The following ZDHHC9 variants were observed in gnomAD, a reference collection of about 807,000 sequenced individuals.
ZDHHC9 encodes the protein zDHHC palmitoyltransferase 9.
A neutral mutation model predicts 26.6 loss-of-function variants in ZDHHC9; 3 were observed. The observed-to-expected ratio is 0.11, with a 90% CI of 0.05 to 0.29. The LOEUF is 0.29. Ranked by LOEUF, ZDHHC9 falls within the 10% of genes least tolerant of loss-of-function variation. The pLI, the probability that ZDHHC9 is intolerant of heterozygous loss-of-function variation, is 1.00. For missense variants in ZDHHC9, 146 were observed against 296.4 expected (o/e 0.49, Z 3.73); for synonymous variants, 111 against 109.4 (o/e 1.01, Z -0.09).
chrX:129,823,950 C>CTT, intron 4 of ZDHHC9, 113 bp from the exon 5 acceptor site: 1 of 655,649 alleles, frequency 1.5e-6, no homozygotes, highest in Non-Finnish European at 2.5e-6. Context: ...AGCCCCCTGT[C>CTT]TTTTATAGAC....
chrX:129,814,665 C>T lies in ZDHHC9; in HGVS notation c.618G>A (p.Val206=). 1 of 1,211,232 alleles carries T rather than the reference C, an allele frequency of 8.3e-7. No homozygotes were observed. Among genetic ancestry groups the T allele is most frequent in the South Asian group, 1.8e-5 (1 of 56,966 alleles). ...IYVFAFNIVY[V]ALKSLKIGFL... The stretch of plus-strand genomic sequence containing the variant: ...ACTGCCCTGTATACTCACTGAGGGC[C>T]ACATAGACGATGTTGAAGGCGAAGA... Residue 206 remains valine, a synonymous_variant, in exon 6 of 11, where the codon GTG becomes GTA. Transcript: ENST00000357166.
rs1284395097 is a variant in ZDHHC9, at chrX:129,806,408, G to A, written c.1057C>T (p.Pro353Ser). The A allele has an allele frequency of 2.5e-6, 3 of 1,211,710 alleles. No homozygotes were observed. Among genetic ancestry groups the A allele is most frequent in the South Asian group, 1.8e-5 (1 of 57,001 alleles). The change falls in exon 11 of 11, where the codon CCA becomes TCA. Residue 353 changes from proline to serine, a missense_variant. Transcript: ENST00000357166. Reference protein sequence around the residue: ...TPEEMPPPEPPEPPQEAAEAE... With the variant: ...TPEEMPPPEPSEPPQEAAEAE... The stretch of plus-strand genomic sequence containing the variant: ...TCAGCTGCCTCCTGTGGTGGCTCTG[G>A]GGGCTCTGGAGGTGGCATCTCTTCG...
chrX:129,831,810 A>T (rs868252412), intron 3 of ZDHHC9, among the ~76,000 whole-genome samples: 14 of 111,544 alleles, frequency 1.3e-4, no homozygotes, highest in Middle Eastern at 9.3e-3. Context: ...CCAGCCACTA[A>T]GACTATTGTG....
chrX:129,808,173 C>A (rs984010541), intron 10 of ZDHHC9, among the ~76,000 whole-genome samples: 2 of 111,357 alleles, frequency 1.8e-5, no homozygotes, highest in Non-Finnish European at 3.8e-5. Flanking sequence ...CAATGAAATC[C>A]CCATCAAAAT....
chrX:129,824,287 CT>C (rs1197439787), intron 4 of ZDHHC9, among the ~76,000 whole-genome samples: 6 of 109,950 alleles, frequency 5.5e-5, no homozygotes, highest in East Asian at 2.8e-4. Flanking sequence ...TGCTACTAAA[CT>C]TTTTTTTTCT....
At chrX:129,832,137 C>CATATATATCTTTGT (rs1569322121) in intron 3 of ZDHHC9, among the ~76,000 whole-genome samples, 2 of 108,676 alleles carry the variant, frequency 1.8e-5, no homozygotes, top group African/African-American at 6.7e-5. Context: ...ATATTGTATA[C>CATATATATCTTTGT]ATATATATCT....
intron 10 of ZDHHC9, 50 bp downstream of exon 10, chrX:129,810,855 T>C: frequency 9.3e-7 from 1 of 1,077,927 alleles, no homozygotes; most frequent in Non-Finnish European, 1.3e-6. Flanking sequence ...AGCTGTAAAT[T>C]AGCCTCCGCC....
chrX:129,828,620 C>CTAAA (rs957387287), intron 4 of ZDHHC9, among the ~76,000 whole-genome samples: 18 of 110,219 alleles, frequency 1.6e-4, no homozygotes, highest in South Asian at 3.9e-4. Context: ...GGCTCTGTCT[C>CTAAA]TAAATAAATA....
At chrX:129,823,325 A>G (rs1927933881) in intron 5 of ZDHHC9, 1 of 224,616 alleles carries the variant, frequency 4.5e-6, no homozygotes. Context: ...TCCTTCCTCA[A>G]TGCTGCCCTC....
chrX:129,827,332 A>G (rs911949424), intron 4 of ZDHHC9, among the ~76,000 whole-genome samples: 1 of 110,068 alleles, frequency 9.1e-6, no homozygotes, highest in Non-Finnish European at 1.9e-5. Context: ...AAAGAAATAC[A>G]TGGAAGCCTT....
chrX:129,816,221 T>A (rs1415921454), intron 5 of ZDHHC9, among the ~76,000 whole-genome samples: 1 of 111,641 alleles, frequency 9.0e-6, no homozygotes, highest in African/African-American at 3.3e-5. Flanking sequence ...AAAAATACGG[T>A]ATTCACAAAA....
chrX:129,828,060 G>A (rs1194004314), intron 4 of ZDHHC9, among the ~76,000 whole-genome samples: 5 of 110,819 alleles, frequency 4.5e-5, no homozygotes, highest in Admixed American at 1.9e-4. Flanking sequence ...CAAGTGATCT[G>A]CCCGCCTCAG....
chrX:129,811,599 AAAT>A (rs1292307286), intron 8 of ZDHHC9, 90 bp from the exon 9 acceptor site: 14 of 722,092 alleles, frequency 1.9e-5, no homozygotes, highest in Middle Eastern at 4.3e-4. Flanking sequence ...CAAAAAAGAA[AAAT>A]AATAATAATA....
intron 4 of ZDHHC9, among the ~76,000 whole-genome samples, chrX:129,825,710 G>A (rs1928001824): frequency 9.0e-6 from 1 of 111,513 alleles, no homozygotes; most frequent in Admixed American, 9.6e-5. Flanking sequence ...ATACTCATGT[G>A]TTAAAATTAA....
At position 129,805,108 on chromosome X, in the gene ZDHHC9, G is replaced by A. The variant is rs1393985247; in HGVS notation, c.*1262C>T. ...AATCTTCTTCCCTGAAATAGAGCAG[G>A]TCCTGAGCAGAGCTGACTGGGGGCC... On this transcript the variant is annotated 3_prime_UTR_variant, in exon 11 of 11. Transcript: ENST00000357166. 8.9e-6 allele frequency: 1 copy of A among 112,462 alleles called. No homozygotes were observed. The highest frequency in any genetic ancestry group is 4.2e-3 in the Middle Eastern group (1 of 239). The allele number at this position is 112,462 out of a possible 1,213,427, so 9.3% of individuals were successfully genotyped here.
At chrX:129,835,141 A>G (rs1405130199) in intron 3 of ZDHHC9, among the ~76,000 whole-genome samples, 1 of 112,609 alleles carries the variant, frequency 8.9e-6, no homozygotes, top group African/African-American at 3.2e-5. Flanking sequence ...TCTGAATGAC[A>G]GAACCATAAA....
At chrX:129,820,355 G>A (rs1201467665) in intron 5 of ZDHHC9, among the ~76,000 whole-genome samples, 2 of 109,538 alleles carry the variant, frequency 1.8e-5, no homozygotes, top group Non-Finnish European at 3.8e-5. Context: ...TGCAGCAGGT[G>A]GGCTGCTTGA....
chrX:129,832,045 T>TA (rs1053083475), intron 3 of ZDHHC9, among the ~76,000 whole-genome samples: 2 of 109,852 alleles, frequency 1.8e-5, no homozygotes, highest in Admixed American at 9.8e-5. Flanking sequence ...TTCTCACCAT[T>TA]AAAAAAATAA....
chrX:129,810,703 A>G (rs112965319), intron 10 of ZDHHC9, among the ~76,000 whole-genome samples: 6,829 of 112,118 alleles, frequency 0.061, 515 homozygotes, highest in African/African-American at 0.21. Context: ...TGGCTGGCAC[A>G]GAGTCACTCA....
Sources: gnomAD v4.1 joint callset for allele counts (sites outside exome capture counted in the v4.1 genomes callset) on GRCh38, gnomAD v4.1.1 for gene constraint, MANE v1.5 for transcripts, NCBI Gene and HGNC (gene_info 2026-07-23, HGNC 2026-07-21) for gene names.